The following RBFOX1 variants were observed in gnomAD, a reference collection of about 807,000 sequenced individuals.
The protein encoded by RBFOX1 is RNA binding protein fox-1 homolog 1.
Under a neutral mutation model 57.7 loss-of-function variants are expected in RBFOX1, and 8 were observed. That is an observed-to-expected ratio of 0.14 (90% confidence interval 0.08 to 0.25). The LOEUF (loss-of-function observed/expected upper bound fraction) is 0.25, where lower values mean the gene tolerates loss of function less well. RBFOX1 is among the 10% of genes least tolerant of loss of function. RBFOX1 has a pLI of 1.00. For synonymous variants in RBFOX1, 326 were observed against 222.4 expected, an observed-to-expected ratio of 1.47 and a Z score of -4.15; for missense variants, 611 against 548.5, an observed-to-expected ratio of 1.11 and a Z score of -1.14.
intron 3 of RBFOX1, among the ~76,000 whole-genome samples, chr16:6,969,166 G>C (rs576756791): frequency 6.6e-6 from 1 of 152,120 alleles, no homozygotes; most frequent in South Asian, 2.1e-4. Flanking sequence ...CCCCAAAATA[G>C]GTAACTTAAC....
chr16:6,217,769 C>T (rs1256089598), intron 1 of RBFOX1, among the ~76,000 whole-genome samples: 1 of 152,140 alleles, frequency 6.6e-6, no homozygotes, highest in Non-Finnish European at 1.5e-5. Flanking sequence ...AATCCCAGCA[C>T]TTTGGGAGGC....
At chr16:5,851,470 C>T (rs552799529) in intron 3 of RBFOX1, among the ~76,000 whole-genome samples, 24 of 152,254 alleles carry the variant, frequency 1.6e-4, no homozygotes, top group South Asian at 2.1e-4. Context: ...CTGCCAGGGA[C>T]GGCCTAAGAT....
intron 4 of RBFOX1, among the ~76,000 whole-genome samples, chr16:7,358,000 C>A (rs1037960904): frequency 1.3e-5 from 2 of 152,084 alleles, no homozygotes; most frequent in Non-Finnish European, 2.9e-5. Flanking sequence ...ACGTTATCTT[C>A]CATGTGGGCT....
At chr16:7,211,838 C>T (rs142993448) in intron 4 of RBFOX1, among the ~76,000 whole-genome samples, 403 of 152,200 alleles carry the variant, frequency 2.6e-3, no homozygotes, top group African/African-American at 9.5e-3. Context: ...GCCCTTAGCA[C>T]GAGGTGGTTG....
At chr16:5,621,678 G>T (rs2048205512) in intron 3 of RBFOX1, among the ~76,000 whole-genome samples, 1 of 152,146 alleles carries the variant, frequency 6.6e-6, no homozygotes, top group African/African-American at 2.4e-5. Context: ...AGGAAGACGA[G>T]GATATGGAAA....
chr16:6,227,597 C>T (rs972212507), intron 1 of RBFOX1, among the ~76,000 whole-genome samples: 1 of 152,092 alleles, frequency 6.6e-6, no homozygotes, highest in Non-Finnish European at 1.5e-5. Context: ...TTCAGGCTTC[C>T]TCTTGCCTGG....
intron 3 of RBFOX1, among the ~76,000 whole-genome samples, chr16:5,741,978 C>G (rs762481036): frequency 6.6e-6 from 1 of 152,162 alleles, no homozygotes; most frequent in African/African-American, 2.4e-5. Flanking sequence ...AGAAATACTC[C>G]TCTCTTCTCA....
At chr16:7,426,795 G>A (rs1201335790) in intron 4 of RBFOX1, among the ~76,000 whole-genome samples, 1 of 152,204 alleles carries the variant, frequency 6.6e-6, no homozygotes, top group East Asian at 1.9e-4. Context: ...ACCTACAGGG[G>A]TGTAAGCAGA....
At chr16:6,771,351 C>T (rs541033193) in intron 3 of RBFOX1, among the ~76,000 whole-genome samples, 137 of 152,284 alleles carry the variant, frequency 9.0e-4, no homozygotes, top group Middle Eastern at 3.4e-3. Context: ...TTGGTATCTT[C>T]TTAGATATGA....
chr16:5,595,903 G>C (rs1171333852), intron 2 of RBFOX1, among the ~76,000 whole-genome samples: 4 of 152,200 alleles, frequency 2.6e-5, no homozygotes, highest in African/African-American at 4.8e-5. Context: ...CCAGGGTATG[G>C]AGAGGTGTAA....
At chr16:6,941,300 CTCCTTCCTTCCT>C (rs57110590) in intron 3 of RBFOX1, among the ~76,000 whole-genome samples, 5,737 of 79,152 alleles carry the variant, frequency 0.072, 337 homozygotes, top group Middle Eastern at 0.16. Context: ...CCCTCCCTCC[CTCCTTCCTTCCT>C]TCCTTCCTTC....
chr16:6,132,397 A>C (rs2096635959), intron 1 of RBFOX1, among the ~76,000 whole-genome samples: 1 of 152,210 alleles, frequency 6.6e-6, no homozygotes, highest in African/African-American at 2.4e-5. Flanking sequence ...TACCACAGAT[A>C]CGGTTACCAC....
rs569791911 is a variant in RBFOX1 at position 7,286,693 on chromosome 16, G to A, written c.28-231454G>A. Among the ~76,000 whole-genome samples, 478 of 146,736 alleles carry A rather than the reference G, an allele frequency of 3.3e-3. 3 individuals are homozygous for A. Among genetic ancestry groups the A allele is most frequent in the African/African-American group, 0.012 (461 of 39,474 alleles). On this transcript the variant is annotated intron_variant, in intron 4 of 15. Coordinates refer to ENST00000550418, the MANE Select transcript of RBFOX1 (RefSeq NM_018723.4). ...GGATGGAGTGCAGTGGCGAGATCTC[G>A]GGTCACTGCAAGCTCCGCCTCCTGG...
At chr16:7,174,648 T>G (rs1034495690) in intron 4 of RBFOX1, among the ~76,000 whole-genome samples, 2 of 152,044 alleles carry the variant, frequency 1.3e-5, no homozygotes, top group African/African-American at 2.4e-5. Flanking sequence ...GGCGTGGTGG[T>G]GGGTACCTGT....
At chr16:7,405,977 G>A (rs7193940) in intron 4 of RBFOX1, among the ~76,000 whole-genome samples, 118,513 of 151,978 alleles carry the variant, frequency 0.78, 46,629 homozygotes, top group Non-Finnish European at 0.83. Flanking sequence ...CGAGTAGGTA[G>A]AGCCTGAGAT....
At chr16:6,770,549 G>C (rs921970775) in intron 3 of RBFOX1, among the ~76,000 whole-genome samples, 5 of 152,092 alleles carry the variant, frequency 3.3e-5, no homozygotes, top group Non-Finnish European at 7.4e-5. Flanking sequence ...TACGGAAGAT[G>C]TTCGTCAACC....
intron 1 of RBFOX1, among the ~76,000 whole-genome samples, chr16:6,133,813 C>T (rs2096646815): frequency 6.6e-6 from 1 of 152,140 alleles, no homozygotes; most frequent in African/African-American, 2.4e-5. Flanking sequence ...CTTCATGCCT[C>T]ATGTGCCCCA....
chr16:5,656,135 A>G (rs1038472815), intron 3 of RBFOX1, among the ~76,000 whole-genome samples: 1 of 152,216 alleles, frequency 6.6e-6, no homozygotes, highest in African/African-American at 2.4e-5. Context: ...TTTGGGGCTT[A>G]GGGAAAGCTG....
Position 5,395,846 on chromosome 16 carries a change from G to T in RBFOX1, c.220-71370G>T, listed in dbSNP as rs562638305. Among the ~76,000 whole-genome samples the T allele has an allele frequency of 1.3e-3, 194 of 152,348 alleles. 1 individual carries two copies. The highest frequency in any genetic ancestry group is 4.4e-3 in the African/African-American group (183 of 41,572). On this transcript the variant is annotated intron_variant, in intron 1 of 2. Transcript: ENST00000585867. ...GAAGCCCATGTAGCAAGGCACTGTG[G>T]GCAGCCTCTAGGGGCTGGAGGTGGT...
Sources: gnomAD v4.1 joint callset for allele counts (sites outside exome capture counted in the v4.1 genomes callset) on GRCh38, gnomAD v4.1.1 for gene constraint, MANE v1.5 for transcripts, NCBI Gene and HGNC (gene_info 2026-07-23, HGNC 2026-07-21) for gene names.